The following TNPO1 variants were observed in gnomAD, a reference collection of about 807,000 sequenced individuals.
The protein encoded by TNPO1 is transportin-1.
TNPO1 carries 8 observed loss-of-function variants against 119.5 expected under a neutral mutation model. The observed-to-expected ratio is 0.07, with a 90% CI of 0.04 to 0.12. The LOEUF (loss-of-function observed/expected upper bound fraction) is 0.12, where lower values mean the gene tolerates loss of function less well. Ranked by LOEUF, TNPO1 falls within the 10% of genes least tolerant of loss-of-function variation. The pLI is 1.00. For missense variants in TNPO1, 576 were observed against 1,089.8 expected (o/e 0.53, Z 6.64); for synonymous variants, 362 against 363.0 (o/e 1.00, Z 0.03).
At chr5:72,882,896 T>TC (rs1278297360) in intron 10 of TNPO1, among the ~76,000 whole-genome samples, 168 bp from the exon 11 acceptor site, 1 of 152,130 alleles carries the variant, frequency 6.6e-6, no homozygotes, top group East Asian at 1.9e-4. Flanking sequence ...TATTCGCCCC[T>TC]CCATAAGGAA....
chr5:72,871,364 T>C (rs1747386831), intron 6 of TNPO1, among the ~76,000 whole-genome samples: 1 of 152,216 alleles, frequency 6.6e-6, no homozygotes, highest in Non-Finnish European at 1.5e-5. Flanking sequence ...GAGCTCCCCA[T>C]AGTATGCTTT....
intron 18 of TNPO1, among the ~76,000 whole-genome samples, chr5:72,894,294 G>A (rs915988071): frequency 6.6e-6 from 1 of 152,016 alleles, no homozygotes; most frequent in Non-Finnish European, 1.5e-5. Context: ...TGTTGTACCC[G>A]GAATTGTTCT....
intron 9 of TNPO1, among the ~76,000 whole-genome samples, chr5:72,881,446 A>T (rs1354549768): frequency 6.6e-6 from 1 of 152,050 alleles, no homozygotes; most frequent in Non-Finnish European, 1.5e-5. Flanking sequence ...ACTTCTATCT[A>T]CCCTGCTCTA....
chr5:72,828,724 A>ATT (rs11463711), intron 1 of TNPO1, among the ~76,000 whole-genome samples: 2 of 151,808 alleles, frequency 1.3e-5, no homozygotes, highest in East Asian at 3.9e-4. Flanking sequence ...CTTTTGTAGC[A>ATT]TTTTTTTTCT....
intron 1 of TNPO1, among the ~76,000 whole-genome samples, chr5:72,830,180 A>G (rs539639846): frequency 2.2e-4 from 33 of 152,186 alleles, no homozygotes; most frequent in Non-Finnish European, 4.3e-4. Context: ...TAAAAATTCT[A>G]GCTTTGTTTT....
At chr5:72,861,773 G>A (rs534325427) in intron 4 of TNPO1, 35 bp from the exon 5 acceptor site, 2 of 1,465,652 alleles carry the variant, frequency 1.4e-6, no homozygotes, top group South Asian at 2.3e-5. Flanking sequence ...ACATAATGCT[G>A]TTGGATTTCC....
chr5:72,871,740 GAGTGACA>G (rs1225782895), intron 6 of TNPO1: 3 of 152,412 alleles, frequency 2.0e-5, no homozygotes, highest in East Asian at 1.9e-4. Context: ...CAGCCTTTTA[GAGTGACA>G]AAAGAAAGAA....
intron 4 of TNPO1, among the ~76,000 whole-genome samples, chr5:72,860,091 C>T (rs1030520705): frequency 6.6e-6 from 1 of 151,972 alleles, no homozygotes; most frequent in Non-Finnish European, 1.5e-5. Context: ...AATAAATTTG[C>T]CGGGAGCTTT....
intron 22 of TNPO1, among the ~76,000 whole-genome samples, chr5:72,901,428 C>A (rs943577122): frequency 6.6e-6 from 1 of 151,942 alleles, no homozygotes; most frequent in African/African-American, 2.4e-5. Flanking sequence ...AATAGAGTGA[C>A]CAAATAGTAG....
chr5:72,871,974 A>G (rs1031383581), intron 6 of TNPO1: 3 of 152,212 alleles, frequency 2.0e-5, no homozygotes, highest in African/African-American at 7.2e-5. Flanking sequence ...CATAAAGCTT[A>G]AAATATTTAC....
chr5:72,883,473 C>T (rs1466294823), intron 11 of TNPO1, among the ~76,000 whole-genome samples: 1 of 152,186 alleles, frequency 6.6e-6, no homozygotes, highest in East Asian at 1.9e-4. Flanking sequence ...AATATTCTGT[C>T]TCTGGGTTTG....
intron 1 of TNPO1, among the ~76,000 whole-genome samples, chr5:72,818,288 A>G (rs1743791588): frequency 6.6e-6 from 1 of 152,220 alleles, no homozygotes; most frequent in African/African-American, 2.4e-5. Flanking sequence ...CTTTATTACC[A>G]TTATATAATG....
rs1253616144 is a variant in TNPO1 at position 72,912,718 on chromosome 5, A to G, written c.*4045A>G. On this transcript the variant is annotated 3_prime_UTR_variant, in exon 25 of 25. Transcript: ENST00000337273. Reference sequence around the variant, plus strand: ...GAAAGTGGAAATTTTTCTCCCCTATATAAAATTATTCTGCCTAGCAGAAAT... The same window carrying G: ...GAAAGTGGAAATTTTTCTCCCCTATGTAAAATTATTCTGCCTAGCAGAAAT... The G allele has an allele frequency of 3.9e-5, 6 of 152,356 alleles. No homozygotes were observed. Among genetic ancestry groups the G allele is most frequent in the Non-Finnish European group, 5.9e-5 (4 of 67,910 alleles). 9.4% of individuals were successfully genotyped at this position (152,356 alleles called of 1,614,324 possible). A position where few individuals can be genotyped will look rare whatever the true frequency, so the allele number is the denominator to read the frequency against.
At chr5:72,848,700 C>T (rs1227689484) in intron 2 of TNPO1, among the ~76,000 whole-genome samples, 2 of 145,492 alleles carry the variant, frequency 1.4e-5, no homozygotes, top group Non-Finnish European at 3.0e-5. Flanking sequence ...GTGCCTGGGC[C>T]GGGGGCGCCG....
chr5:72,873,738 G>A (rs1747571333), intron 7 of TNPO1, among the ~76,000 whole-genome samples: 1 of 152,000 alleles, frequency 6.6e-6, no homozygotes, highest in Admixed American at 6.6e-5. Flanking sequence ...CAGTTTAGTA[G>A]CTTTTAACCT....
intron 7 of TNPO1, among the ~76,000 whole-genome samples, chr5:72,874,517 A>G (rs989903170): frequency 3.9e-5 from 6 of 152,176 alleles, no homozygotes; most frequent in Non-Finnish European, 2.9e-5. Context: ...AATTTAATGG[A>G]GGATGTACTG....
rs1203429932 is a variant in TNPO1 at position 72,891,964 on chromosome 5, T to G, written c.1788+68T>G. The G allele has an allele frequency of 1.2e-5, 15 of 1,205,632 alleles. No individual in the cohort carries two copies. In the East Asian group the frequency reaches 3.1e-4, roughly 25 times the overall value. The allele number at this position is 1,205,632 out of a possible 1,614,324, so 74.7% of individuals were successfully genotyped here. ...TGTTCAAATCCAAAATGGGTATATA[T>G]GATAAGAAAAGTGTTAATAAATTTA... On this transcript the variant is annotated intron_variant, in intron 15 of 24. Transcript: ENST00000337273.
In TNPO1 at chr5:72,914,013, G is replaced by GTT. The variant is rs1750727658; in HGVS notation, c.*5340_*5341insTT. On this transcript the variant is annotated 3_prime_UTR_variant, in exon 25 of 25. Transcript: ENST00000337273. The stretch of plus-strand genomic sequence containing the variant: ...TTAGCTTTAGTTACAAATATAACTG[G>GTT]ATCTTTCTGCTGACAACTTAGGTTG... 1 of 152,506 alleles carries GTT rather than the reference G, an allele frequency of 6.6e-6. No individual in the cohort carries two copies. Among genetic ancestry groups the GTT allele is most frequent in the East Asian group, 1.9e-4 (1 of 5,200 alleles). 9.4% of individuals were successfully genotyped at this position (152,506 alleles called of 1,614,324 possible). A position where few individuals can be genotyped will look rare whatever the true frequency, so the allele number is the denominator to read the frequency against.
At chr5:72,879,080 A>T (rs533033653) in intron 9 of TNPO1, 84 of 236,304 alleles carry the variant, frequency 3.6e-4, no homozygotes, top group African/African-American at 1.9e-3. Flanking sequence ...GTTTCACCTC[A>T]TGCGTCAACA....
Sources: allele counts gnomAD v4.1 joint callset (sites outside exome capture counted in the v4.1 genomes callset), GRCh38; gene constraint gnomAD v4.1.1; transcripts MANE v1.5; gene names NCBI Gene and HGNC (gene_info 2026-07-23, HGNC 2026-07-21).